The following TMEM132D variants were observed in gnomAD, a reference collection of about 807,000 sequenced individuals.
TMEM132D encodes transmembrane protein 132D.
Under a neutral mutation model 62.3 loss-of-function variants are expected in TMEM132D, and 21 were observed. The ratio of observed to expected loss-of-function variants is 0.34; its 90% CI spans 0.24 to 0.49. The LOEUF (loss-of-function observed/expected upper bound fraction) is 0.49, where lower values mean the gene tolerates loss of function less well. Ranked by LOEUF, TMEM132D falls within the 20% of genes least tolerant of loss-of-function variation. The pLI, the probability that TMEM132D is intolerant of heterozygous loss-of-function variation, is 0.99. For missense variants in TMEM132D, 1,346 were observed against 1,402.8 expected (o/e 0.96, Z 0.65); for synonymous variants, 621 against 575.6 (o/e 1.08, Z -1.13).
chr12:129,788,408 G>T (rs190672925), intron 1 of TMEM132D, among the ~76,000 whole-genome samples: 9 of 152,296 alleles, frequency 5.9e-5, no homozygotes, highest in African/African-American at 1.7e-4. Flanking sequence ...GCGCAGAATT[G>T]TAAGAAACAT....
At chr12:129,877,613 G>GCGCACACACACA (rs1555238201) in intron 1 of TMEM132D, among the ~76,000 whole-genome samples, 1 of 144,402 alleles carries the variant, frequency 6.9e-6, no homozygotes, top group African/African-American at 2.6e-5. Context: ...GCGCGCGCGC[G>GCGCACACACACA]CACACACACA....
intron 2 of TMEM132D, among the ~76,000 whole-genome samples, chr12:129,543,889 C>T (rs79781136): frequency 0.016 from 2,386 of 152,146 alleles, 30 homozygotes; most frequent in African/African-American, 0.041. Flanking sequence ...GACTGGTGCC[C>T]CCTCGATGGA....
At chr12:129,893,262 C>A (rs995220487) in intron 1 of TMEM132D, among the ~76,000 whole-genome samples, 2 of 152,140 alleles carry the variant, frequency 1.3e-5, no homozygotes, top group Non-Finnish European at 2.9e-5. Context: ...TGCTACTACA[C>A]AAAGGATGGT....
In TMEM132D at chr12:129,525,226, G is replaced by GGTTTTTT. The variant is rs1336461549; in HGVS notation, c.1115+5832_1115+5833insAAAAAAC. ...GGGTATGAGCCACGGTGCCCAGCCG[G>GGTTTTTT]TTTTTTTTTTTTTTTTTTTTTTTTT... On this transcript the variant is annotated intron_variant, in intron 3 of 8. Transcript: ENST00000422113. Among the ~76,000 whole-genome samples the GGTTTTTT allele has an allele frequency of 1.0e-4, 7 of 67,394 alleles. 2 individuals carry two copies. The highest frequency in any genetic ancestry group is 8.6e-5 in the Non-Finnish European group (3 of 34,746). The allele number at this position is 67,394 out of a possible 152,430, so 44.2% of individuals were successfully genotyped here. A position where few individuals can be genotyped will look rare whatever the true frequency, so the allele number is the denominator to read the frequency against.
intron 5 of TMEM132D, among the ~76,000 whole-genome samples, chr12:129,112,781 G>T (rs540788249): frequency 1.3e-5 from 2 of 152,216 alleles, no homozygotes; most frequent in African/African-American, 4.8e-5. Context: ...GTCTGCACAG[G>T]TTCAGAACAT....
At chr12:129,114,795 G>A (rs1875842834) in intron 5 of TMEM132D, among the ~76,000 whole-genome samples, 1 of 152,168 alleles carries the variant, frequency 6.6e-6, no homozygotes, top group South Asian at 2.1e-4. Context: ...TGTTTTCCTA[G>A]TTCCTTTTAC....
At chr12:129,262,910 G>T (rs1007314286) in intron 4 of TMEM132D, 3 of 152,532 alleles carry the variant, frequency 2.0e-5, no homozygotes, top group Non-Finnish European at 4.4e-5. Context: ...TCAATGACCA[G>T]GAGGCTGACA....
intron 4 of TMEM132D, among the ~76,000 whole-genome samples, chr12:129,247,123 G>A (rs1264418347): frequency 5.3e-5 from 8 of 152,096 alleles, no homozygotes; most frequent in African/African-American, 1.9e-4. Flanking sequence ...GTATATATCG[G>A]GATATTGCTA....
intron 2 of TMEM132D, among the ~76,000 whole-genome samples, chr12:129,655,308 G>A (rs1429987028): frequency 1.4e-5 from 2 of 146,960 alleles, no homozygotes; most frequent in East Asian, 4.0e-4. Context: ...GTGCAGTGAT[G>A]CAATCTTGGC....
intron 4 of TMEM132D, among the ~76,000 whole-genome samples, chr12:129,233,788 G>C (rs55906132): frequency 6.6e-6 from 1 of 151,890 alleles, no homozygotes; most frequent in Non-Finnish European, 1.5e-5. Flanking sequence ...CACCACGCCC[G>C]GCTAACCCTG....
At chr12:129,305,774 A>G (rs1325135650) in intron 4 of TMEM132D, among the ~76,000 whole-genome samples, 2 of 152,288 alleles carry the variant, frequency 1.3e-5, no homozygotes, top group South Asian at 4.1e-4. Context: ...GGTGTCATGG[A>G]CATTACAAGG....
At chr12:129,730,928 G>C (rs983602154) in intron 1 of TMEM132D, among the ~76,000 whole-genome samples, 1 of 152,086 alleles carries the variant, frequency 6.6e-6, no homozygotes, top group Admixed American at 6.5e-5. Flanking sequence ...TTGGGACTCG[G>C]ACTGGCTTCC....
At chr12:129,453,545 G>A (rs1298736925) in intron 3 of TMEM132D, among the ~76,000 whole-genome samples, 2 of 152,202 alleles carry the variant, frequency 1.3e-5, no homozygotes, top group East Asian at 3.9e-4. Flanking sequence ...TTATTGACAT[G>A]TGATGAAAAA....
intron 3 of TMEM132D, among the ~76,000 whole-genome samples, chr12:129,465,010 A>AG (rs1219873047): frequency 6.9e-6 from 1 of 145,910 alleles, no homozygotes; most frequent in Admixed American, 6.9e-5. Context: ...TCTGTGAAGA[A>AG]GGCATTGGTA....
chr12:129,164,213 A>G (rs1021309845), intron 5 of TMEM132D, among the ~76,000 whole-genome samples: 9 of 152,180 alleles, frequency 5.9e-5, no homozygotes, highest in Non-Finnish European at 1.3e-4. Context: ...GCAGGAGTGC[A>G]TTTCCCGGTC....
chr12:129,093,666 C>T (rs191928736), intron 5 of TMEM132D, among the ~76,000 whole-genome samples: 8,228 of 152,070 alleles, frequency 0.054, 506 homozygotes, highest in African/African-American at 0.15. Flanking sequence ...ACTTTCTTCG[C>T]AGAATTGGAA....
At chr12:129,878,020 A>C (rs1247997762) in intron 1 of TMEM132D, among the ~76,000 whole-genome samples, 3 of 152,180 alleles carry the variant, frequency 2.0e-5, no homozygotes, top group Non-Finnish European at 2.9e-5. Flanking sequence ...TGTTCCAGGA[A>C]ATTCCTGCCC....
intron 2 of TMEM132D, among the ~76,000 whole-genome samples, chr12:129,665,377 AAGCAGGGTTCAAT>A (rs1880351749): frequency 6.6e-6 from 1 of 152,208 alleles, no homozygotes; most frequent in Non-Finnish European, 1.5e-5. Context: ...AGAGCGATGC[AAGCAGGGTTCAAT>A]AGCTACTTAA....
intron 5 of TMEM132D, among the ~76,000 whole-genome samples, chr12:129,160,777 G>C (rs531786272): frequency 6.6e-6 from 1 of 152,278 alleles, no homozygotes; most frequent in African/African-American, 2.4e-5. Context: ...AAAGAAAAAA[G>C]AAACAGGGCT....
Sources: gnomAD v4.1 joint callset for allele counts (sites outside exome capture counted in the v4.1 genomes callset) on GRCh38, gnomAD v4.1.1 for gene constraint, MANE v1.5 for transcripts, NCBI Gene and HGNC (gene_info 2026-07-23, HGNC 2026-07-21) for gene names.